LRRK1: variants seen among roughly 807,000 people sequenced by gnomAD.
LRRK1 encodes the protein leucine-rich repeat serine/threonine-protein kinase 1.
LRRK1 carries 113 observed loss-of-function variants against 209.1 expected under a neutral mutation model. The ratio of observed to expected loss-of-function variants is 0.54; its 90% CI spans 0.46 to 0.63. The LOEUF is 0.63. Ranked by LOEUF, LRRK1 falls within the 30% of genes least tolerant of loss-of-function variation. The pLI, the probability that LRRK1 is intolerant of heterozygous loss-of-function variation, is 0.00. For synonymous variants in LRRK1, 1,144 were observed against 1,099.7 expected (o/e 1.04, Z -0.80); for missense variants, 2,284 against 2,632.2 (o/e 0.87, Z 2.89).
At chr15:101,015,670 C>T (rs1445956863) in intron 12 of LRRK1, among the ~76,000 whole-genome samples, 8 of 152,248 alleles carry the variant, frequency 5.3e-5, no homozygotes, top group Admixed American at 3.9e-4. Flanking sequence ...AGCTGATCTA[C>T]ACACCAGGCA....
At chr15:101,034,354 C>A (rs558786925) in intron 20 of LRRK1, among the ~76,000 whole-genome samples, 1 of 152,050 alleles carries the variant, frequency 6.6e-6, no homozygotes, top group African/African-American at 2.4e-5. Context: ...GAAGTGCTTA[C>A]CCTGTTTTCT....
At chr15:100,989,109 A>G (rs12915347) in intron 5 of LRRK1, 141 bp from the exon 6 acceptor site, 325,626 of 794,408 alleles carry the variant, frequency 0.41, 70,506 homozygotes, top group African/African-American at 0.69. Flanking sequence ...CAGAAACTTG[A>G]TGCACCAAGG....
intron 1 of LRRK1, among the ~76,000 whole-genome samples, chr15:100,922,317 T>C (rs778741239): frequency 2.6e-5 from 4 of 152,254 alleles, no homozygotes; most frequent in Admixed American, 6.5e-5. Context: ...AAATAGTAAC[T>C]AGAATTTTAA....
At chr15:101,012,925 C>T (rs1378187189) in intron 10 of LRRK1, among the ~76,000 whole-genome samples, 1 of 152,118 alleles carries the variant, frequency 6.6e-6, no homozygotes, top group Non-Finnish European at 1.5e-5. Flanking sequence ...CCACATCATA[C>T]TCCTCGCAGG....
chr15:100,977,688 C>T (rs2031374779), intron 3 of LRRK1, among the ~76,000 whole-genome samples: 1 of 152,208 alleles, frequency 6.6e-6, no homozygotes, highest in African/African-American at 2.4e-5. Flanking sequence ...CAGATTTCCA[C>T]CCCACCAGGC....
At chr15:100,929,881 C>T (rs1199471771) in intron 2 of LRRK1, among the ~76,000 whole-genome samples, 1 of 152,212 alleles carries the variant, frequency 6.6e-6, no homozygotes, top group African/African-American at 2.4e-5. Flanking sequence ...TGATTGGTGG[C>T]CCAGGTGGCA....
rs1484972951 is a variant in LRRK1, at chr15:101,061,224, G to A, written c.4733G>A (p.Cys1578Tyr). 2 of 1,614,178 alleles carry A rather than the reference G, an allele frequency of 1.2e-6. No individual in the cohort carries two copies. The highest frequency in any genetic ancestry group is 4.5e-5 in the East Asian group (2 of 44,880). ...GGCCTCATGGAGGTGCAGAGGATGT[G>A]CTGCCCTGGGATGAAGGTGAGCTGC... ...EKGLMEVQRM[C>Y]CPGMKVSCQL... is the part of the protein sequence containing the mutation. The change falls in exon 30 of 34, where the codon TGC (cysteine) becomes TAC (tyrosine). Residue 1578 changes from cysteine to tyrosine, a missense_variant. Coordinates refer to ENST00000388948, the MANE Select transcript of LRRK1 (RefSeq NM_024652.6).
At chr15:100,929,680 T>C (rs1350032264) in intron 2 of LRRK1, among the ~76,000 whole-genome samples, 2 of 152,146 alleles carry the variant, frequency 1.3e-5, no homozygotes, top group Non-Finnish European at 2.9e-5. Context: ...TCTGACCTGT[T>C]CCTCCTGTTG....
chr15:101,052,850 C>T, intron 24 of LRRK1, 72 bp from the exon 25 acceptor site: 1 of 1,521,660 alleles, frequency 6.6e-7, no homozygotes, highest in Admixed American at 2.1e-5. Flanking sequence ...GCCGTTGGGG[C>T]AAATGACCCA....
chr15:101,055,361 A>C, intron 27 of LRRK1, 138 bp downstream of exon 27: 3 of 816,574 alleles, frequency 3.7e-6, no homozygotes, highest in Non-Finnish European at 5.3e-6. Context: ...CCCTTGCTCA[A>C]TGAGGGAGGT....
chr15:101,052,903 T>C lies in LRRK1; in HGVS notation c.3690-19T>C. On this transcript the variant is annotated intron_variant, in intron 24 of 33. Coordinates refer to ENST00000388948, the MANE Select transcript of LRRK1 (RefSeq NM_024652.6). ...ATCAGGGCGGGGGGGATGTGGCTGA[T>C]GCCGGGCGTGTGTGGCAGGCTCTTC... is the stretch of plus-strand genomic sequence containing the variant. 1.9e-6 allele frequency: 3 copies of C among 1,598,842 alleles called. No individual in the cohort carries two copies. Among genetic ancestry groups the C allele is most frequent in the Non-Finnish European group, 2.6e-6 (3 of 1,168,364 alleles).
chr15:101,045,942 G>A lies in LRRK1; in HGVS notation c.2964-39G>A, dbSNP rs60043870. 4.8e-3 allele frequency: 7,643 copies of A among 1,579,476 alleles called. 223 individuals carry two copies. In the African/African-American group the frequency reaches 0.075, roughly 16 times the overall value. ...GGGTCAGGGCCCTGCAGTGGAGCTT[G>A]GGCCCCACTGTTCACCAGTCCCCCT... On this transcript the variant is annotated intron_variant, in intron 20 of 33. Transcript: ENST00000388948.
chr15:100,982,223 C>A (rs2031642450), intron 3 of LRRK1, among the ~76,000 whole-genome samples: 1 of 152,238 alleles, frequency 6.6e-6, no homozygotes, highest in Non-Finnish European at 1.5e-5. Context: ...CACTGGCCAT[C>A]CCATTCCAAT....
At chr15:100,944,431 G>A (rs2042499906) in intron 2 of LRRK1, among the ~76,000 whole-genome samples, 1 of 152,184 alleles carries the variant, frequency 6.6e-6, no homozygotes, top group South Asian at 2.1e-4. Context: ...AAGGGGTGGG[G>A]TAGGCAAGCT....
intron 2 of LRRK1, among the ~76,000 whole-genome samples, chr15:100,954,635 T>G (rs1208322084): frequency 6.6e-6 from 1 of 152,214 alleles, no homozygotes; most frequent in Non-Finnish European, 1.5e-5. Context: ...TCATATGTTT[T>G]AAGTCTTTAA....
intron 6 of LRRK1, among the ~76,000 whole-genome samples, chr15:101,001,638 G>A (rs1454239951): frequency 2.0e-5 from 3 of 152,158 alleles, no homozygotes; most frequent in Non-Finnish European, 4.4e-5. Context: ...GGGTTTGTAT[G>A]GGCCAAGAAT....
At chr15:100,950,597 T>C (rs2042625041) in intron 2 of LRRK1, among the ~76,000 whole-genome samples, 1 of 152,194 alleles carries the variant, frequency 6.6e-6, no homozygotes, top group African/African-American at 2.4e-5. Context: ...GTTTCTCAGA[T>C]ACTACACCAA....
intron 19 of LRRK1, 58 bp from the exon 20 acceptor site, chr15:101,028,898 A>C: frequency 1.3e-6 from 2 of 1,569,030 alleles, no homozygotes; most frequent in Non-Finnish European, 1.7e-6. Flanking sequence ...GGGCCACCCC[A>C]GAGTCCCTTT....
chr15:101,059,060 T>C (rs1011530062), intron 29 of LRRK1, among the ~76,000 whole-genome samples: 3 of 152,178 alleles, frequency 2.0e-5, no homozygotes, highest in African/African-American at 7.2e-5. Context: ...GACTGAGGGT[T>C]GTGACACAGA....
Sources: allele counts gnomAD v4.1 joint callset (sites outside exome capture counted in the v4.1 genomes callset), GRCh38; gene constraint gnomAD v4.1.1; transcripts MANE v1.5; gene names NCBI Gene and HGNC (gene_info 2026-07-23, HGNC 2026-07-21).